The following RGS6 variants were observed in gnomAD, a reference collection of about 807,000 sequenced individuals.
The protein encoded by RGS6 is regulator of G-protein signaling 6.
In RGS6, 30 loss-of-function variants were observed where a neutral mutation model predicts 78.5. The observed-to-expected ratio is 0.38, with a 90% confidence interval of 0.29 to 0.52. RGS6 has a LOEUF of 0.52. Among genes scored for constraint, RGS6 ranks in the 20% least tolerant of loss-of-function variants. RGS6 has a pLI of 0.85. For missense variants in RGS6, 495 were observed against 609.7 expected, an observed-to-expected ratio of 0.81 and a Z score of 1.98; for synonymous variants, 206 against 206.0, an observed-to-expected ratio of 1.00 and a Z score of 0.00.
At chr14:72,288,806 T>A (rs2063057091) in intron 2 of RGS6, among the ~76,000 whole-genome samples, 1 of 152,148 alleles carries the variant, frequency 6.6e-6, no homozygotes, top group South Asian at 2.1e-4. Flanking sequence ...GTTGGCATGA[T>A]CTTGTCATGA....
chr14:72,276,171 A>G (rs948014614), intron 2 of RGS6, among the ~76,000 whole-genome samples: 1 of 152,216 alleles, frequency 6.6e-6, no homozygotes, highest in African/African-American at 2.4e-5. Context: ...TTTGCACAAA[A>G]GTTGACACAT....
rs796465534 is a variant in RGS6, at chr14:72,193,535, CTCACAGA to C, written c.85-158557_85-158551del. 5.6e-4 allele frequency among the ~76,000 whole-genome samples: 85 copies of C among 152,282 alleles called. 1 individual carries two copies. The highest frequency in any genetic ancestry group is 1.9e-3 in the African/African-American group (80 of 41,556). On this transcript the variant is annotated intron_variant, in intron 2 of 17. Transcript: ENST00000553525. Reference sequence around the variant, plus strand: ...GACCCTTGGGATATGAGGTGAACAGCTCACAGATCCCTGCCCTCCTGGAGTTTACATT... The same window carrying C: ...GACCCTTGGGATATGAGGTGAACAGCTCCCTGCCCTCCTGGAGTTTACATT...
chr14:72,072,313 GTTT>G (rs1180674409), intron 2 of RGS6, among the ~76,000 whole-genome samples: 1 of 140,622 alleles, frequency 7.1e-6, no homozygotes. Context: ...TAGTTTGTTT[GTTT>G]TTTTTTTTTT....
At chr14:72,403,394 A>G (rs1209382886) in intron 3 of RGS6, among the ~76,000 whole-genome samples, 3 of 152,254 alleles carry the variant, frequency 2.0e-5, no homozygotes, top group Non-Finnish European at 2.9e-5. Flanking sequence ...CAGAAGCTGA[A>G]AAACAGTTGA....
intron 2 of RGS6, among the ~76,000 whole-genome samples, chr14:72,294,251 G>T (rs1180072113): frequency 6.6e-6 from 1 of 152,214 alleles, no homozygotes; most frequent in Non-Finnish European, 1.5e-5. Flanking sequence ...GGTTACCTTT[G>T]ATCCCAATGG....
intron 2 of RGS6, among the ~76,000 whole-genome samples, chr14:72,045,683 T>C (rs1442415470): frequency 6.6e-6 from 1 of 151,874 alleles, no homozygotes; most frequent in African/African-American, 2.4e-5. Flanking sequence ...TTCACAAGTG[T>C]TTCTTAGCTT....
chr14:72,085,167 G>C (rs921774802), intron 2 of RGS6, among the ~76,000 whole-genome samples: 4 of 152,326 alleles, frequency 2.6e-5, no homozygotes, highest in South Asian at 2.1e-4. Flanking sequence ...ACAGTAAGGC[G>C]TGAGGGTAAG....
chr14:72,032,603 C>T (rs938047382), intron 2 of RGS6, among the ~76,000 whole-genome samples: 15 of 152,110 alleles, frequency 9.9e-5, no homozygotes, highest in Non-Finnish European at 1.9e-4. Context: ...TGAACAGTAA[C>T]TTGTCTTCAC....
chr14:72,220,362 G>T (rs2153790128), intron 2 of RGS6, among the ~76,000 whole-genome samples: 1 of 151,954 alleles, frequency 6.6e-6, no homozygotes, highest in South Asian at 2.1e-4. Context: ...ATCCTTTATT[G>T]ATCCTTTTCT....
At chr14:72,223,201 A>G (rs989732793) in intron 2 of RGS6, among the ~76,000 whole-genome samples, 1 of 152,228 alleles carries the variant, frequency 6.6e-6, no homozygotes, top group Non-Finnish European at 1.5e-5. Context: ...AAACTTTAAG[A>G]TATTCTTCCC....
chr14:72,300,378 C>T (rs1448912547), intron 2 of RGS6, among the ~76,000 whole-genome samples: 1 of 152,142 alleles, frequency 6.6e-6, no homozygotes, highest in African/African-American at 2.4e-5. Context: ...GTAGACTCCA[C>T]TGCTTAGGTT....
chr14:72,356,398 C>T (rs112128378), intron 3 of RGS6, among the ~76,000 whole-genome samples: 3,254 of 152,236 alleles, frequency 0.021, 58 homozygotes, highest in African/African-American at 0.049. Flanking sequence ...CTGAGGCCTC[C>T]GCAGCCATGT....
chr14:72,382,527 G>A (rs540623786), intron 3 of RGS6, among the ~76,000 whole-genome samples: 9 of 152,278 alleles, frequency 5.9e-5, no homozygotes, highest in East Asian at 3.9e-4. Context: ...ATTGGAAAAC[G>A]TTGTGGTGAT....
chr14:72,556,689 G>T (rs1250298796), intron 17 of RGS6, among the ~76,000 whole-genome samples: 1 of 141,242 alleles, frequency 7.1e-6, no homozygotes, highest in Non-Finnish European at 1.5e-5. Flanking sequence ...GGTCGGGGGG[G>T]CGGGGTGGGG....
chr14:71,902,211 C>G, the RGS6 span, among the ~76,000 whole-genome samples: 10 of 152,088 alleles, frequency 6.6e-5, no homozygotes, highest in Non-Finnish European at 1.0e-4. Flanking sequence ...TTTTCTGTTA[C>G]TTGCATTTAA....
At chr14:72,211,980 T>C (rs1018693257) in intron 2 of RGS6, among the ~76,000 whole-genome samples, 1 of 152,176 alleles carries the variant, frequency 6.6e-6, no homozygotes, top group African/African-American at 2.4e-5. Context: ...AGAGGTGATG[T>C]AGTCAGGAAG....
chr14:72,406,138 G>A (rs1055702253), intron 3 of RGS6, among the ~76,000 whole-genome samples: 2 of 152,210 alleles, frequency 1.3e-5, no homozygotes, highest in Non-Finnish European at 2.9e-5. Flanking sequence ...TGTAATCCCA[G>A]CACTTTGGGA....
intron 2 of RGS6, among the ~76,000 whole-genome samples, chr14:72,016,528 G>A (rs929189663): frequency 1.5e-4 from 23 of 152,056 alleles, no homozygotes; most frequent in African/African-American, 4.8e-4. Flanking sequence ...ACCACGCCCG[G>A]CTAATTTTTT....
intron 2 of RGS6, among the ~76,000 whole-genome samples, chr14:72,166,058 T>C (rs1421290993): frequency 6.6e-6 from 1 of 150,906 alleles, no homozygotes; most frequent in Admixed American, 6.6e-5. Flanking sequence ...CCTATGCAAA[T>C]CCCTTCAAAC....
Sources: gnomAD v4.1 joint callset for allele counts (sites outside exome capture counted in the v4.1 genomes callset) on GRCh38, gnomAD v4.1.1 for gene constraint, MANE v1.5 for transcripts, NCBI Gene and HGNC (gene_info 2026-07-23, HGNC 2026-07-21) for gene names.